The following SEMA6D variants were observed in gnomAD, a reference collection of about 807,000 sequenced individuals.
SEMA6D encodes the protein semaphorin 6D.
Under a neutral mutation model 106.6 loss-of-function variants are expected in SEMA6D, and 35 were observed. The ratio of observed to expected loss-of-function variants is 0.33; its 90% confidence interval spans 0.25 to 0.44. The LOEUF is 0.44. Among genes scored for constraint, SEMA6D ranks in the 20% least tolerant of loss-of-function variants. SEMA6D has a pLI of 1.00. For missense variants in SEMA6D, 1,185 were observed against 1,345.9 expected (o/e 0.88, Z 1.87); for synonymous variants, 499 against 487.7 (o/e 1.02, Z -0.31).
chr15:47,235,107 TTTTTCTCA>T (rs2032458566), intron 1 of SEMA6D, among the ~76,000 whole-genome samples: 1 of 152,094 alleles, frequency 6.6e-6, no homozygotes, highest in African/African-American at 2.4e-5. Context: ...ATGTTATACA[TTTTTCTCA>T]TGTTTGTTAG....
At chr15:47,412,672 G>A (rs1333129743) in intron 2 of SEMA6D, among the ~76,000 whole-genome samples, 2 of 152,138 alleles carry the variant, frequency 1.3e-5, no homozygotes, top group African/African-American at 4.8e-5. Context: ...AGTGAAAATA[G>A]GGAAACTAAT....
At chr15:47,391,375 G>A (rs1005315628) in intron 1 of SEMA6D, among the ~76,000 whole-genome samples, 3 of 139,828 alleles carry the variant, frequency 2.1e-5, no homozygotes, top group African/African-American at 9.1e-5. Flanking sequence ...CTCTAAATAA[G>A]TCCTGATAGT....
At chr15:47,293,572 T>A (rs1389416672) in intron 1 of SEMA6D, among the ~76,000 whole-genome samples, 1 of 152,200 alleles carries the variant, frequency 6.6e-6, no homozygotes, top group African/African-American at 2.4e-5. Flanking sequence ...GCAGTTTTAT[T>A]ATGTGTAAGG....
intron 1 of SEMA6D, among the ~76,000 whole-genome samples, chr15:47,243,436 A>G (rs1048599518): frequency 4.6e-4 from 70 of 151,830 alleles, no homozygotes; most frequent in African/African-American, 1.6e-3. Flanking sequence ...GAAAAAAAAA[A>G]AGGCTTGTAA....
chr15:47,671,852 T>C (rs2078143663), intron 4 of SEMA6D, among the ~76,000 whole-genome samples: 1 of 151,882 alleles, frequency 6.6e-6, no homozygotes, highest in Non-Finnish European at 1.5e-5. Context: ...TGGCAGGGAG[T>C]AGAATAGGAA....
intron 2 of SEMA6D, among the ~76,000 whole-genome samples, chr15:47,420,656 G>T (rs753514357): frequency 6.6e-6 from 1 of 152,106 alleles, no homozygotes. Flanking sequence ...ATAAGTGACT[G>T]TTAACTTTTC....
At chr15:47,421,594 T>G (rs1391639628) in intron 2 of SEMA6D, among the ~76,000 whole-genome samples, 2 of 152,120 alleles carry the variant, frequency 1.3e-5, no homozygotes, top group African/African-American at 4.8e-5. Context: ...AGTTTTCTGC[T>G]TAAGGATTTT....
At chr15:47,486,021 G>T (rs868083480) in intron 3 of SEMA6D, among the ~76,000 whole-genome samples, 1 of 152,278 alleles carries the variant, frequency 6.6e-6, no homozygotes, top group East Asian at 1.9e-4. Context: ...GTATGAGAGT[G>T]TGGTTAGGAG....
At chr15:47,445,065 A>G (rs1019201186) in intron 2 of SEMA6D, among the ~76,000 whole-genome samples, 6 of 152,060 alleles carry the variant, frequency 3.9e-5, no homozygotes, top group Non-Finnish European at 8.8e-5. Flanking sequence ...TCTTCTCTCC[A>G]ATCATCCCCA....
chr15:47,515,111 C>T (rs1322207873), intron 3 of SEMA6D, among the ~76,000 whole-genome samples: 11 of 152,184 alleles, frequency 7.2e-5, no homozygotes, highest in South Asian at 2.1e-4. Context: ...TCTTGACTTA[C>T]GGCTTTTTCA....
intron 4 of SEMA6D, among the ~76,000 whole-genome samples, chr15:47,609,881 T>C (rs909554360): frequency 6.6e-6 from 1 of 152,212 alleles, no homozygotes; most frequent in Admixed American, 6.5e-5. Flanking sequence ...TGCCTGCCAC[T>C]GCCCCTGTGG....
chr15:47,549,005 A>G (rs2045605925), intron 3 of SEMA6D, among the ~76,000 whole-genome samples: 1 of 152,038 alleles, frequency 6.6e-6, no homozygotes, highest in African/African-American at 2.4e-5. Flanking sequence ...CCACCTCATG[A>G]GTTACAAGGA....
rs77507898 is a variant in SEMA6D at position 47,232,028 on chromosome 15, C to T, written c.-239+47610C>T. On this transcript the variant is annotated intron_variant, in intron 1 of 19. Transcript: ENST00000558014. ...TCCCAATTTCATTCTACTTTCAGCC[C>T]CTGTAAACCACTGATCTACTTAGTG... is the stretch of plus-strand genomic sequence containing the variant. 2.2e-3 allele frequency among the ~76,000 whole-genome samples: 339 copies of T among 152,044 alleles called. 6 individuals are homozygous for T. Among genetic ancestry groups the T allele is most frequent in the Admixed American group, 0.02 (303 of 15,216 alleles).
chr15:47,294,783 CTATAAGGTGAAATG>C (rs1311303975), intron 1 of SEMA6D, among the ~76,000 whole-genome samples: 1 of 152,062 alleles, frequency 6.6e-6, no homozygotes, highest in Non-Finnish European at 1.5e-5. Flanking sequence ...GAAAGGCTAC[CTATAAGGTGAAATG>C]TATACGTTGT....
At chr15:47,589,539 C>T (rs2076401758) in intron 3 of SEMA6D, among the ~76,000 whole-genome samples, 1 of 152,252 alleles carries the variant, frequency 6.6e-6, no homozygotes, top group Non-Finnish European at 1.5e-5. Flanking sequence ...CTTCCTCTTT[C>T]AATCCAATCC....
chr15:47,666,107 G>A (rs2078021974), intron 4 of SEMA6D, among the ~76,000 whole-genome samples: 1 of 152,150 alleles, frequency 6.6e-6, no homozygotes, highest in Non-Finnish European at 1.5e-5. Flanking sequence ...GAACATTTCT[G>A]GTGAAATTTT....
In SEMA6D at chr15:47,435,069, T is replaced by G. The variant is rs375962347; in HGVS notation, c.-159+22597T>G. 1.4e-4 allele frequency among the ~76,000 whole-genome samples: 21 copies of G among 152,168 alleles called. 1 individual carries two copies. Among genetic ancestry groups the G allele is most frequent in the Admixed American group, 1.0e-3 (16 of 15,264 alleles). On this transcript the variant is annotated intron_variant, in intron 2 of 19. Coordinates refer to the SEMA6D transcript ENST00000558014. ...TGGCCAGATTTTAAACTTAACCATG[T>G]TGGAAACATCACATTGGATTCGAAT...
chr15:47,450,545 T>G (rs562565608), intron 2 of SEMA6D, among the ~76,000 whole-genome samples: 1 of 152,104 alleles, frequency 6.6e-6, no homozygotes, highest in Non-Finnish European at 1.5e-5. Context: ...TCAAACTGTT[T>G]ACAGTAATGT....
intron 1 of SEMA6D, among the ~76,000 whole-genome samples, chr15:47,376,482 T>G (rs2039452657): frequency 6.6e-6 from 1 of 152,182 alleles, no homozygotes; most frequent in Non-Finnish European, 1.5e-5. Context: ...CACCCGGTGG[T>G]TATGTGAATG....
Sources: allele counts gnomAD v4.1 joint callset (sites outside exome capture counted in the v4.1 genomes callset), GRCh38; gene constraint gnomAD v4.1.1; transcripts MANE v1.5; gene names NCBI Gene and HGNC (gene_info 2026-07-23, HGNC 2026-07-21).